CERS6: variants seen among roughly 807,000 people sequenced by gnomAD.
CERS6 encodes the protein ceramide synthase 6, also known as LAG1 homolog, ceramide synthase 6.
Under a neutral mutation model 56.8 loss-of-function variants are expected in CERS6, and 26 were observed. The ratio of observed to expected loss-of-function variants is 0.46; its 90% CI spans 0.34 to 0.63. The LOEUF is 0.63. Among genes scored for constraint, CERS6 ranks in the 30% least tolerant of loss-of-function variants. CERS6 has a pLI of 0.01. For missense variants in CERS6, 415 were observed against 467.5 expected, an observed-to-expected ratio of 0.89 and a Z score of 1.04; for synonymous variants, 164 against 173.3, an observed-to-expected ratio of 0.95 and a Z score of 0.42.
At chr2:168,643,658 G>A (rs1389532954) in intron 4 of CERS6, among the ~76,000 whole-genome samples, 1 of 152,164 alleles carries the variant, frequency 6.6e-6, no homozygotes, top group East Asian at 1.9e-4. Flanking sequence ...CCTCAGGAGG[G>A]AGAATTCCTT....
intron 3 of CERS6, among the ~76,000 whole-genome samples, chr2:168,597,136 A>G (rs1683820159): frequency 1.3e-5 from 2 of 152,188 alleles, no homozygotes; most frequent in African/African-American, 4.8e-5. Context: ...GGATGGCGCC[A>G]GGTTTGAGGC....
chr2:168,735,768 G>A (rs932712628), intron 8 of CERS6, among the ~76,000 whole-genome samples: 2 of 149,854 alleles, frequency 1.3e-5, no homozygotes, highest in Non-Finnish European at 3.0e-5. Flanking sequence ...TGTAGTCCCT[G>A]CTACTTGGGA....
chr2:168,529,962 A>G (rs1206882544), intron 1 of CERS6, among the ~76,000 whole-genome samples: 1 of 151,706 alleles, frequency 6.6e-6, no homozygotes, highest in Non-Finnish European at 1.5e-5. Context: ...ACAGGGGCCT[A>G]TAAGACAGTC....
At chr2:168,506,661 CA>C (rs1694683412) in intron 1 of CERS6, among the ~76,000 whole-genome samples, 1 of 152,240 alleles carries the variant, frequency 6.6e-6, no homozygotes, top group East Asian at 1.9e-4. Flanking sequence ...TGCTATTAAC[CA>C]AATGACACTT....
rs907964479 is a variant in CERS6, at chr2:168,773,637, A to C, written c.*3975A>C. On this transcript the variant is annotated 3_prime_UTR_variant, in exon 10 of 10. Transcript: ENST00000305747. ...GCTGTCCATGGAAGGAATAATCAGC[A>C]GTTCAGTTGTCACAAGCCGCCCTTG... The C allele has an allele frequency of 1.3e-5, 2 of 152,260 alleles. No homozygotes were observed. The highest frequency in any genetic ancestry group is 2.9e-5 in the Non-Finnish European group (2 of 68,048). 9.4% of individuals were successfully genotyped at this position (152,260 alleles called of 1,614,324 possible).
At chr2:168,577,198 C>T (rs902280301) in intron 3 of CERS6, among the ~76,000 whole-genome samples, 12 of 151,980 alleles carry the variant, frequency 7.9e-5, no homozygotes, top group Admixed American at 2.0e-4. Context: ...GAGACAGCCT[C>T]GTATGAGAGG....
At chr2:168,729,965 C>G (rs1029196648) in intron 8 of CERS6, among the ~76,000 whole-genome samples, 4 of 152,176 alleles carry the variant, frequency 2.6e-5, no homozygotes, top group Non-Finnish European at 5.9e-5. Context: ...TGCCCAGGAA[C>G]AGCTAGCACT....
intron 1 of CERS6, among the ~76,000 whole-genome samples, chr2:168,512,343 C>T (rs191937776): frequency 1.2e-4 from 18 of 152,094 alleles, no homozygotes; most frequent in Admixed American, 7.2e-4. Context: ...AAATTTTTTG[C>T]TGTATGTATT....
At chr2:168,513,086 TG>T (rs2105351599) in intron 1 of CERS6, among the ~76,000 whole-genome samples, 1 of 152,320 alleles carries the variant, frequency 6.6e-6, no homozygotes, top group South Asian at 2.1e-4. Context: ...TATTTGAGAT[TG>T]GGGCACTAAA....
At chr2:168,544,818 G>A (rs1216658753) in intron 1 of CERS6, among the ~76,000 whole-genome samples, 1 of 152,098 alleles carries the variant, frequency 6.6e-6, no homozygotes, top group Non-Finnish European at 1.5e-5. Flanking sequence ...TTGGATGGAG[G>A]GTAAACTGGG....
At chr2:168,692,761 G>A (rs1403253407) in intron 5 of CERS6, among the ~76,000 whole-genome samples, 2 of 152,072 alleles carry the variant, frequency 1.3e-5, no homozygotes, top group Non-Finnish European at 2.9e-5. Flanking sequence ...CTTTGTGTGT[G>A]GGTGGGGGGG....
chr2:168,634,167 G>A (rs1388182082), intron 4 of CERS6, among the ~76,000 whole-genome samples: 2 of 152,146 alleles, frequency 1.3e-5, no homozygotes, highest in Non-Finnish European at 2.9e-5. Flanking sequence ...TGCTGTGTTG[G>A]TAGGAAATAT....
At chr2:168,474,728 A>T (rs549053354) in intron 1 of CERS6, among the ~76,000 whole-genome samples, 1 of 152,180 alleles carries the variant, frequency 6.6e-6, no homozygotes, top group Non-Finnish European at 1.5e-5. Context: ...TGCAACATCT[A>T]TTGCAAACAT....
At chr2:168,713,254 C>G (rs1392103783) in intron 6 of CERS6, among the ~76,000 whole-genome samples, 1 of 152,100 alleles carries the variant, frequency 6.6e-6, no homozygotes, top group East Asian at 1.9e-4. Flanking sequence ...TTTTCATAAT[C>G]ACGATGTGCT....
intron 3 of CERS6, among the ~76,000 whole-genome samples, chr2:168,611,167 A>G (rs1009318564): frequency 1.3e-5 from 2 of 152,224 alleles, no homozygotes; most frequent in Non-Finnish European, 2.9e-5. Flanking sequence ...TGTCTTATAA[A>G]ACATCAGATT....
chr2:168,722,218 T>C (rs960582554), intron 8 of CERS6, among the ~76,000 whole-genome samples: 3 of 152,200 alleles, frequency 2.0e-5, no homozygotes, highest in Non-Finnish European at 4.4e-5. Context: ...AATTTGCAAA[T>C]GTTTTCTCCC....
At chr2:168,704,877 C>T (rs777111598) in intron 6 of CERS6, among the ~76,000 whole-genome samples, 5 of 152,196 alleles carry the variant, frequency 3.3e-5, no homozygotes, top group Non-Finnish European at 7.3e-5. Flanking sequence ...AGATTACAGG[C>T]GTGAGCCTCC....
At chr2:168,481,914 A>G (rs1212063767) in intron 1 of CERS6, among the ~76,000 whole-genome samples, 1 of 152,242 alleles carries the variant, frequency 6.6e-6, no homozygotes, top group African/African-American at 2.4e-5. Context: ...ATTTCCCTTT[A>G]GAAAACAGCA....
chr2:168,584,769 A>G (rs1362935537), intron 3 of CERS6, among the ~76,000 whole-genome samples: 2 of 152,100 alleles, frequency 1.3e-5, no homozygotes, highest in African/African-American at 4.8e-5. Flanking sequence ...TCCTTTTTTA[A>G]CTCTAGACAT....
Sources: gnomAD v4.1 joint callset for allele counts (sites outside exome capture counted in the v4.1 genomes callset) on GRCh38, gnomAD v4.1.1 for gene constraint, MANE v1.5 for transcripts, NCBI Gene and HGNC (gene_info 2026-07-23, HGNC 2026-07-21) for gene names.